PTPRF: variants seen among roughly 807,000 people sequenced by gnomAD.
The protein encoded by PTPRF is receptor-type tyrosine-protein phosphatase F.
PTPRF carries 59 observed loss-of-function variants against 201.8 expected under a neutral mutation model. The observed-to-expected ratio is 0.29, with a 90% CI of 0.24 to 0.36. PTPRF has a LOEUF of 0.36. Among genes scored for constraint, PTPRF ranks in the 10% least tolerant of loss-of-function variants. The pLI, the probability that PTPRF is intolerant of heterozygous loss-of-function variation, is 1.00. For missense variants in PTPRF, 2,132 were observed against 2,690.5 expected (o/e 0.79, Z 4.59); for synonymous variants, 1,088 against 1,089.7 (o/e 1.00, Z 0.03).
In PTPRF at chr1:43,542,966, T is replaced by A. The variant is rs1235713419; in HGVS notation, c.-45-2065T>A. Among the ~76,000 whole-genome samples the A allele has an allele frequency of 6.6e-6, 1 of 152,166 alleles. No individual in the cohort carries two copies. The highest frequency in any genetic ancestry group is 1.5e-5 in the Non-Finnish European group (1 of 68,020). ...TGAAGCCTGCCTGGCAGGGGTTGCATGCTTGGAATGCTTGTTCCTGGAAGT... is the reference window on the plus strand; with the variant it reads ...TGAAGCCTGCCTGGCAGGGGTTGCAAGCTTGGAATGCTTGTTCCTGGAAGT... On this transcript the variant is annotated intron_variant, in intron 2 of 33. Transcript: ENST00000359947. This position sits in a 1 kb window ranked among gnomAD's most constrained non-coding sequence, Gnocchi z 5.2.
intron 22 of PTPRF, among the ~76,000 whole-genome samples, chr1:43,611,844 G>T (rs1443709203): frequency 6.6e-6 from 1 of 152,130 alleles, no homozygotes; most frequent in South Asian, 2.1e-4. Flanking sequence ...TGAGCAGGGG[G>T]TAGGGGTGTC....
rs370234203 is a variant in PTPRF at position 43,545,105 on chromosome 1, G to A, written c.30G>A (p.Thr10=). The A allele has an allele frequency of 5.0e-6, 8 of 1,587,466 alleles. No individual in the cohort carries two copies. Among genetic ancestry groups the A allele is most frequent in the African/African-American group, 1.3e-5 (1 of 74,304 alleles). ...CCCCTGAGCCAGCCCCAGGGAGGAC[G>A]ATGGTGCCCCTTGTGCCTGCACTGG... The part of the protein sequence containing the change: MAPEPAPGR[T]MVPLVPALVM... The change falls in exon 3 of 34, where the codon ACG becomes ACA. Residue 10 remains threonine, a synonymous_variant. Coordinates refer to ENST00000359947, the MANE Select transcript of PTPRF (RefSeq NM_002840.5).
chr1:43,548,328 GGGTGGGTGGCGGGTGGGTTGACAGA>G (rs1209806472), intron 3 of PTPRF, among the ~76,000 whole-genome samples: 5 of 152,108 alleles, frequency 3.3e-5, no homozygotes, highest in African/African-American at 1.2e-4. Context: ...CTGGCTGGAG[GGGTGGGTGGCGGGTGGGTTGACAGA>G]GGTGGGCAGA....
At chr1:43,565,391 G>A (rs1355741803) in intron 5 of PTPRF, among the ~76,000 whole-genome samples, 1 of 152,234 alleles carries the variant, frequency 6.6e-6, no homozygotes, top group Non-Finnish European at 1.5e-5. Flanking sequence ...GCGCAGTTAG[G>A]TGCAGGAGGC....
chr1:43,583,764 T>A (rs1044249725), intron 7 of PTPRF, among the ~76,000 whole-genome samples: 31 of 152,044 alleles, frequency 2.0e-4, no homozygotes, highest in African/African-American at 5.3e-4. Context: ...AAGTCTCCCA[T>A]AAGGTTGTCT....
chr1:43,612,330 C>T (rs1270128997), intron 22 of PTPRF, among the ~76,000 whole-genome samples: 1 of 152,086 alleles, frequency 6.6e-6, no homozygotes, highest in Non-Finnish European at 1.5e-5. Context: ...GGGAAGATAC[C>T]TGGGAAGGAG....
chr1:43,538,851 G>A (rs1644190332), intron 2 of PTPRF, among the ~76,000 whole-genome samples: 1 of 152,224 alleles, frequency 6.6e-6, no homozygotes, highest in Non-Finnish European at 1.5e-5. Context: ...CAGAATGGGT[G>A]GGCTGGAGTT....
chr1:43,618,621 C>A lies in PTPRF; in HGVS notation c.4372-9C>A. 1 of 1,589,894 alleles carries A rather than the reference C, an allele frequency of 6.3e-7. No homozygotes were observed. The highest frequency in any genetic ancestry group is 8.6e-7 in the Non-Finnish European group (1 of 1,161,402). On this transcript the variant is annotated splice_polypyrimidine_tract_variant and intron_variant, in intron 25 of 33. Coordinates refer to ENST00000359947, the MANE Select transcript of PTPRF (RefSeq NM_002840.5). ...CTTCCTTCAGCCTGCCCTGCTCATC[C>A]TCCTGCAGGTAAAATGTGATCAGTA...
chr1:43,529,122 G>A (rs1267732623), upstream of PTPRF, among the ~76,000 whole-genome samples: 1 of 152,022 alleles, frequency 6.6e-6, no homozygotes, highest in Non-Finnish European at 1.5e-5. Context: ...TCAAAGTTCT[G>A]GAAAAAAAGG....
intron 11 of PTPRF, 43 bp downstream of exon 11, chr1:43,592,644 GACAC>G (rs113290421): frequency 1.6e-5 from 24 of 1,527,662 alleles, no homozygotes; most frequent in Middle Eastern, 1.8e-4. Flanking sequence ...CCTGGGCTGG[GACAC>G]ACACACACAC....
intron 6 of PTPRF, among the ~76,000 whole-genome samples, chr1:43,574,028 C>A (rs1646759409): frequency 8.9e-6 from 1 of 112,702 alleles, no homozygotes; most frequent in Non-Finnish European, 1.7e-5. Flanking sequence ...CAGAGTTTCG[C>A]TCTTGGTACC....
chr1:43,531,364 C>T (rs1643476782), intron 1 of PTPRF, among the ~76,000 whole-genome samples: 2 of 148,954 alleles, frequency 1.3e-5, no homozygotes, highest in Non-Finnish European at 1.5e-5. Context: ...CCCTCGCCGC[C>T]TCCCTCCCTC....
intron 29 of PTPRF, 42 bp from the exon 30 acceptor site, chr1:43,620,053 G>A (rs779807372): frequency 4.3e-6 from 7 of 1,612,044 alleles, no homozygotes; most frequent in Admixed American, 1.7e-5. Flanking sequence ...GACTCTAGGG[G>A]CAGCAGCACC....
rs1334321465 is a variant in PTPRF at position 43,554,853 on chromosome 1, C to G, written c.379+912C>G. Among the ~76,000 whole-genome samples, 1 of 143,158 alleles carries G rather than the reference C, an allele frequency of 7.0e-6. No homozygotes were observed. The highest frequency in any genetic ancestry group is 1.5e-5 in the Non-Finnish European group (1 of 66,816). 93.9% of individuals were successfully genotyped at this position (143,158 alleles called of 152,430 possible). A position where few individuals can be genotyped will look rare whatever the true frequency, so the allele number is the denominator to read the frequency against. On this transcript the variant is annotated intron_variant, in intron 5 of 33. Coordinates refer to ENST00000359947, the MANE Select transcript of PTPRF (RefSeq NM_002840.5). This position sits in a 1 kb window ranked among gnomAD's most constrained non-coding sequence, Gnocchi z 4.1. ...TTGCTTTTTTTTCTTTTCTTTCTTT[C>G]TTTCTTTTTTTTTTTTTGAGATGCA...
Position 43,570,468 on chromosome 1 carries a change from G to T in PTPRF, c.568+690G>T, listed in dbSNP as rs193129088. Among the ~76,000 whole-genome samples the T allele has an allele frequency of 6.8e-4, 104 of 152,392 alleles. No homozygotes were observed. The East Asian group carries it at 0.018, about 27-fold the overall frequency. ...GCATTCTGCATCTGCTGCCAGCACG[G>T]CCTGGACCAATAGTCTTTGCTTCAG... On this transcript the variant is annotated intron_variant, in intron 6 of 33. Coordinates refer to ENST00000359947, the MANE Select transcript of PTPRF (RefSeq NM_002840.5).
chr1:43,592,449 C>T lies in PTPRF; in HGVS notation c.1669-8C>T. ...GAGCTGTCAGTGAGTGCTCCCTGCT[C>T]TTCCCAGCACAAGGTGACCTTCGAC... On this transcript the variant is annotated splice_region_variant and splice_polypyrimidine_tract_variant and intron_variant, in intron 10 of 33. Coordinates refer to ENST00000359947, the MANE Select transcript of PTPRF (RefSeq NM_002840.5). 1 of 1,601,724 alleles carries T rather than the reference C, an allele frequency of 6.2e-7. No individual in the cohort carries two copies. The highest frequency in any genetic ancestry group is 2.2e-5 in the East Asian group (1 of 44,760).
At chr1:43,599,453 A>G (rs922016928) in intron 13 of PTPRF, among the ~76,000 whole-genome samples, 5 of 152,096 alleles carry the variant, frequency 3.3e-5, no homozygotes, top group African/African-American at 4.8e-5. Flanking sequence ...AAGGGTAGAG[A>G]GAGTGCTCCA....
upstream of PTPRF, among the ~76,000 whole-genome samples, chr1:43,523,052 G>A (rs1245322660): frequency 6.6e-6 from 1 of 152,208 alleles, no homozygotes; most frequent in Non-Finnish European, 1.5e-5. Flanking sequence ...CATCAGCAGA[G>A]TTGAAGAGAA....
In PTPRF at chr1:43,531,039, G is replaced by A; in HGVS notation, c.-177G>A. Reference sequence around the variant, plus strand: ...GCGGCGGCAGAGGAGTGGGAGCAGCGGCCCTAGCGGCTTGCGGGGGGACAT... The same window carrying A: ...GCGGCGGCAGAGGAGTGGGAGCAGCAGCCCTAGCGGCTTGCGGGGGGACAT... On this transcript the variant is annotated 5_prime_UTR_variant, in exon 1 of 34. Transcript: ENST00000359947. 1 of 153,274 alleles carries A rather than the reference G, an allele frequency of 6.5e-6. No homozygotes were observed. Among genetic ancestry groups the A allele is most frequent in the Non-Finnish European group, 1.5e-5 (1 of 68,482 alleles). 9.5% of individuals were successfully genotyped at this position (153,274 alleles called of 1,614,324 possible).
Sources: gnomAD v4.1 joint callset for allele counts (sites outside exome capture counted in the v4.1 genomes callset) on GRCh38, gnomAD v4.1.1 for gene constraint, Gnocchi (gnomAD v3.1) non-coding constraint, MANE v1.5 for transcripts, NCBI Gene and HGNC (gene_info 2026-07-23, HGNC 2026-07-21) for gene names.